CCSER1: variants seen among roughly 807,000 people sequenced by gnomAD.
CCSER1 encodes coiled-coil serine rich protein 1, also known as serine-rich coiled-coil domain-containing protein 1.
Under a neutral mutation model 82.0 loss-of-function variants are expected in CCSER1, and 41 were observed. That is an observed-to-expected ratio of 0.50 (90% CI 0.39 to 0.65). The LOEUF is 0.65. Among genes scored for constraint, CCSER1 ranks in the 30% least tolerant of loss-of-function variants. CCSER1 has a pLI of 0.00. For missense variants in CCSER1, 1,119 were observed against 1,064.2 expected (o/e 1.05, Z -0.72); for synonymous variants, 414 against 383.9 (o/e 1.08, Z -0.92).
intron 10 of CCSER1, among the ~76,000 whole-genome samples, chr4:91,161,764 A>G (rs955437063): frequency 2.0e-5 from 3 of 152,154 alleles, no homozygotes; most frequent in African/African-American, 7.2e-5. Context: ...CTATCCTGAG[A>G]CATAATAAGC....
At chr4:91,263,735 A>G (rs1385214265) in intron 10 of CCSER1, among the ~76,000 whole-genome samples, 1 of 152,024 alleles carries the variant, frequency 6.6e-6, no homozygotes, top group African/African-American at 2.4e-5. Context: ...AGTGTGATCT[A>G]TAGAGCAACA....
In CCSER1 at chr4:90,817,744, A is replaced by G. The variant is rs190857472; in HGVS notation, c.2094+1899A>G. 6.2e-3 allele frequency among the ~76,000 whole-genome samples: 937 copies of G among 152,062 alleles called. 7 individuals carry two copies. Among genetic ancestry groups the G allele is most frequent in the African/African-American group, 0.022 (900 of 41,456 alleles). On this transcript the variant is annotated intron_variant, in intron 8 of 10. Coordinates refer to ENST00000509176, the MANE Select transcript of CCSER1 (RefSeq NM_001145065.2). Reference sequence around the variant, plus strand: ...TTTTACTTAGAGGAAACATGGTTGGAAAAAAAATTGTCATTCAAACTGGAT... The same window carrying G: ...TTTTACTTAGAGGAAACATGGTTGGGAAAAAAATTGTCATTCAAACTGGAT...
At chr4:90,173,945 C>T (rs1732208734) in intron 1 of CCSER1, among the ~76,000 whole-genome samples, 2 of 151,866 alleles carry the variant, frequency 1.3e-5, no homozygotes, top group African/African-American at 4.8e-5. Context: ...GTACCTGTAC[C>T]ATTTCAGTAC....
intron 3 of CCSER1, among the ~76,000 whole-genome samples, chr4:90,328,728 T>G (rs1432432777): frequency 1.3e-5 from 2 of 152,126 alleles, no homozygotes; most frequent in African/African-American, 4.8e-5. Context: ...CTGCTACTGT[T>G]GTCTCTGCTT....
chr4:90,921,654 C>T (rs1190815867), intron 8 of CCSER1, among the ~76,000 whole-genome samples: 3 of 151,930 alleles, frequency 2.0e-5, no homozygotes, highest in East Asian at 3.9e-4. Flanking sequence ...AACTCCTATC[C>T]TCAGGATGAA....
chr4:91,094,806 C>T (rs185844046), intron 10 of CCSER1, among the ~76,000 whole-genome samples: 12 of 152,184 alleles, frequency 7.9e-5, no homozygotes, highest in African/African-American at 2.4e-4. Context: ...CATTCTTCTT[C>T]TCAGGGGACT....
chr4:90,458,519 AT>A (rs893441927), intron 4 of CCSER1, among the ~76,000 whole-genome samples: 16 of 150,884 alleles, frequency 1.1e-4, no homozygotes, highest in African/African-American at 3.9e-4. Context: ...TGCCTGGCTA[AT>A]TTTTTTTTAT....
chr4:90,823,751 A>C (rs371754972), intron 8 of CCSER1, among the ~76,000 whole-genome samples: 1 of 151,936 alleles, frequency 6.6e-6, no homozygotes, highest in Admixed American at 6.6e-5. Context: ...TTTTTATTTT[A>C]AAATGTTAAT....
intron 5 of CCSER1, among the ~76,000 whole-genome samples, chr4:90,601,744 A>G (rs1371676787): frequency 1.3e-5 from 2 of 151,578 alleles, no homozygotes; most frequent in African/African-American, 4.8e-5. Flanking sequence ...AACAAATTGT[A>G]TATGCTGTAT....
intron 10 of CCSER1, among the ~76,000 whole-genome samples, chr4:91,349,381 AAGGTCTC>A (rs1748307672): frequency 6.6e-6 from 1 of 152,052 alleles, no homozygotes; most frequent in Non-Finnish European, 1.5e-5. Flanking sequence ...ATCTTTAAAT[AAGGTCTC>A]AGTCATGTAC....
At chr4:90,980,412 C>T (rs1736005999) in intron 9 of CCSER1, among the ~76,000 whole-genome samples, 1 of 151,804 alleles carries the variant, frequency 6.6e-6, no homozygotes, top group South Asian at 2.1e-4. Context: ...GTACACAGAA[C>T]AAGTGATGCC....
At chr4:90,373,349 T>C (rs945796268) in intron 3 of CCSER1, among the ~76,000 whole-genome samples, 8 of 152,174 alleles carry the variant, frequency 5.3e-5, no homozygotes, top group Non-Finnish European at 1.0e-4. Context: ...AAAATCACCT[T>C]GATTTACAGA....
At chr4:91,132,837 C>G (rs1291390936) in intron 10 of CCSER1, among the ~76,000 whole-genome samples, 2 of 152,172 alleles carry the variant, frequency 1.3e-5, no homozygotes, top group African/African-American at 4.8e-5. Context: ...TATCCTTGAT[C>G]TTAAAATATA....
intron 8 of CCSER1, among the ~76,000 whole-genome samples, chr4:90,874,273 C>G (rs374992068): frequency 6.6e-6 from 1 of 152,080 alleles, no homozygotes; most frequent in Admixed American, 6.6e-5. Context: ...CCTTTATCAA[C>G]AAACGCAAAT....
intron 4 of CCSER1, among the ~76,000 whole-genome samples, chr4:90,464,286 C>A (rs935381866): frequency 5.3e-5 from 8 of 152,154 alleles, no homozygotes; most frequent in Non-Finnish European, 1.2e-4. Context: ...ATAAATAAGA[C>A]TAGTGCTTAG....
intron 1 of CCSER1, among the ~76,000 whole-genome samples, chr4:90,232,510 C>T (rs951459591): frequency 5.3e-5 from 8 of 151,458 alleles, no homozygotes; most frequent in African/African-American, 7.3e-5. Context: ...GACCTAAAAC[C>T]ATAAAAACCC....
chr4:90,449,076 C>T (rs979764833), intron 4 of CCSER1, among the ~76,000 whole-genome samples: 2 of 152,128 alleles, frequency 1.3e-5, no homozygotes, highest in Non-Finnish European at 2.9e-5. Flanking sequence ...AGGGAAACCA[C>T]AGTGGATAGC....
At chr4:90,646,331 A>G (rs1727596144) in intron 6 of CCSER1, among the ~76,000 whole-genome samples, 2 of 152,282 alleles carry the variant, frequency 1.3e-5, no homozygotes, top group South Asian at 4.1e-4. Context: ...GTGTGTGTGC[A>G]GGAACATACA....
chr4:90,326,790 C>A (rs548138642), intron 3 of CCSER1, among the ~76,000 whole-genome samples: 2 of 152,062 alleles, frequency 1.3e-5, no homozygotes, highest in African/African-American at 2.4e-5. Flanking sequence ...CCCTTTCTTT[C>A]GGCATCCGAT....
Sources: gnomAD v4.1 joint callset for allele counts (sites outside exome capture counted in the v4.1 genomes callset) on GRCh38, gnomAD v4.1.1 for gene constraint, MANE v1.5 for transcripts, NCBI Gene and HGNC (gene_info 2026-07-23, HGNC 2026-07-21) for gene names.